Variants in RPS6KA5 observed in about 807,000 individuals in gnomAD.
The protein encoded by RPS6KA5 is ribosomal protein S6 kinase A5.
Under a neutral mutation model 85.5 loss-of-function variants are expected in RPS6KA5, and 27 were observed. The observed-to-expected ratio is 0.32, with a 90% CI of 0.23 to 0.44. RPS6KA5 has a LOEUF of 0.44. Among genes scored for constraint, RPS6KA5 ranks in the 20% least tolerant of loss-of-function variants. The pLI, the probability that RPS6KA5 is intolerant of heterozygous loss-of-function variation, is 1.00. For missense variants in RPS6KA5, 811 were observed against 980.9 expected, an observed-to-expected ratio of 0.83 and a Z score of 2.31; for synonymous variants, 334 against 348.2, an observed-to-expected ratio of 0.96 and a Z score of 0.46.
chr14:91,008,714 C>T (rs550731848), intron 1 of RPS6KA5, among the ~76,000 whole-genome samples: 1 of 152,146 alleles, frequency 6.6e-6, no homozygotes, highest in Non-Finnish European at 1.5e-5. Context: ...AAAAACATAA[C>T]ATAAAATAGG....
chr14:91,036,886 T>C (rs541786588), intron 1 of RPS6KA5, among the ~76,000 whole-genome samples: 7 of 152,134 alleles, frequency 4.6e-5, no homozygotes, highest in African/African-American at 7.2e-5. Context: ...TTCTGCTGGG[T>C]GGACAGTGGA....
At chr14:91,009,800 T>A (rs537695373) in intron 1 of RPS6KA5, among the ~76,000 whole-genome samples, 1 of 152,212 alleles carries the variant, frequency 6.6e-6, no homozygotes, top group East Asian at 1.9e-4. Flanking sequence ...AGAAAGGCAA[T>A]GGCTAAAGCT....
intron 3 of RPS6KA5, among the ~76,000 whole-genome samples, chr14:90,956,603 C>A (rs2140403776): frequency 6.6e-6 from 1 of 151,114 alleles, no homozygotes; most frequent in South Asian, 2.1e-4. Context: ...TTTCTTTATC[C>A]TTTTTTTGTT....
chr14:90,881,042 C>T (rs903652234), intron 14 of RPS6KA5, among the ~76,000 whole-genome samples: 1 of 151,884 alleles, frequency 6.6e-6, no homozygotes, highest in Admixed American at 6.6e-5. Context: ...ACTATGTTGT[C>T]CAGGCTAGTC....
At chr14:90,999,342 A>C (rs1457649265) in intron 2 of RPS6KA5, among the ~76,000 whole-genome samples, 1 of 152,242 alleles carries the variant, frequency 6.6e-6, no homozygotes, top group African/African-American at 2.4e-5. Flanking sequence ...AGGGATGGGC[A>C]GATACCCTTA....
intron 7 of RPS6KA5, among the ~76,000 whole-genome samples, chr14:90,909,799 T>C (rs1054062015): frequency 6.6e-6 from 1 of 152,146 alleles, no homozygotes; most frequent in South Asian, 2.1e-4. Context: ...ATTATTATTA[T>C]TATTATTTTT....
At chr14:90,955,462 C>G (rs1367490185) in intron 3 of RPS6KA5, among the ~76,000 whole-genome samples, 1 of 151,910 alleles carries the variant, frequency 6.6e-6, no homozygotes, top group Non-Finnish European at 1.5e-5. Context: ...ACTTTGTTGC[C>G]CAGGCTGTCA....
Position 90,873,890 on chromosome 14 carries a change from TA to T in RPS6KA5, c.1997-96del, listed in dbSNP as rs149971721. ...AAATCTCAGCTATGTTCACATGACA[TA>T]ATGGTTTCTATATAGCTTTAACCTC... On this transcript the variant is annotated intron_variant, in intron 15 of 16. Coordinates refer to ENST00000614987, the MANE Select transcript of RPS6KA5 (RefSeq NM_004755.4). 9.6e-4 allele frequency: 1,029 copies of T among 1,067,590 alleles called. 11 individuals are homozygous for T. The African/African-American group carries it at 0.014, about 14-fold the overall frequency. The allele number at this position is 1,067,590 out of a possible 1,614,324, so 66.1% of individuals were successfully genotyped here.
intron 2 of RPS6KA5, among the ~76,000 whole-genome samples, chr14:90,999,898 C>G (rs1208242796): frequency 6.6e-6 from 1 of 152,154 alleles, no homozygotes; most frequent in Non-Finnish European, 1.5e-5. Context: ...AGCAGAAAAC[C>G]AAGATCATGT....
intron 1 of RPS6KA5, among the ~76,000 whole-genome samples, chr14:91,008,848 T>G (rs1437327388): frequency 1.3e-5 from 2 of 152,136 alleles, no homozygotes; most frequent in Admixed American, 1.3e-4. Flanking sequence ...CTGGCAGTAA[T>G]GTACAATGTG....
In RPS6KA5 at chr14:90,863,049, A is replaced by C. The variant is rs547900903; in HGVS notation, c.*9025T>G. 1 of 152,204 alleles carries C rather than the reference A, an allele frequency of 6.6e-6. No individual in the cohort carries two copies. Among genetic ancestry groups the C allele is most frequent in the South Asian group, 2.1e-4 (1 of 4,826 alleles). The allele number at this position is 152,204 out of a possible 1,614,324, so 9.4% of individuals were successfully genotyped here. On this transcript the variant is annotated 3_prime_UTR_variant, in exon 17 of 17. Transcript: ENST00000614987. ...GCTGGGTGAGGTGGCTCATGCCTGT[A>C]ATCTCAGCACTTTGGGAGGCTGAGG... is the stretch of plus-strand genomic sequence containing the variant.
At chr14:90,879,898 C>T (rs2033725189) in intron 14 of RPS6KA5, among the ~76,000 whole-genome samples, 1 of 151,644 alleles carries the variant, frequency 6.6e-6, no homozygotes, top group Non-Finnish European at 1.5e-5. Context: ...ATTCTCCTGC[C>T]TCACTCTCTC....
At chr14:90,948,257 A>G (rs2037976669) in intron 3 of RPS6KA5, among the ~76,000 whole-genome samples, 1 of 152,234 alleles carries the variant, frequency 6.6e-6, no homozygotes, top group Non-Finnish European at 1.5e-5. Context: ...CTCTAATAAG[A>G]TATTTCTTCA....
Position 90,954,311 on chromosome 14 carries a change from T to A in RPS6KA5, c.395-6761A>T, listed in dbSNP as rs547678186. ...CTTTCTCCTCTATGTTTTGGAAGAG[T>A]TTGTGAAGAACTGGTAATTCTTCTT... On this transcript the variant is annotated intron_variant, in intron 3 of 16. Transcript: ENST00000614987. Among the ~76,000 whole-genome samples the A allele has an allele frequency of 3.9e-5, 6 of 152,316 alleles. No individual in the cohort carries two copies. The East Asian group carries it at 1.2e-3, about 29-fold the overall frequency.
At chr14:90,911,737 CTAGTA>C (rs1406301642) in intron 7 of RPS6KA5, among the ~76,000 whole-genome samples, 1 of 151,184 alleles carries the variant, frequency 6.6e-6, no homozygotes, top group Admixed American at 6.6e-5. Context: ...AATTATATTT[CTAGTA>C]TGAGTACAAC....
At chr14:90,888,381 T>A (rs1246554829) in intron 14 of RPS6KA5, among the ~76,000 whole-genome samples, 3 of 152,222 alleles carry the variant, frequency 2.0e-5, no homozygotes, top group Non-Finnish European at 4.4e-5. Flanking sequence ...AAAATGAAAG[T>A]CTCTTTTTTA....
At chr14:91,056,061 G>C (rs955154699) in intron 1 of RPS6KA5, among the ~76,000 whole-genome samples, 1 of 151,882 alleles carries the variant, frequency 6.6e-6, no homozygotes, top group African/African-American at 2.4e-5. Flanking sequence ...AATTCACTTA[G>C]GATTAAAAAA....
chr14:90,934,382 C>T (rs960559389), intron 5 of RPS6KA5, among the ~76,000 whole-genome samples: 1 of 151,978 alleles, frequency 6.6e-6, no homozygotes, highest in African/African-American at 2.4e-5. Context: ...ATTTATTATT[C>T]ACATTTATGA....
chr14:90,916,336 A>G (rs544419293), intron 7 of RPS6KA5, among the ~76,000 whole-genome samples: 2 of 152,302 alleles, frequency 1.3e-5, no homozygotes, highest in East Asian at 1.9e-4. Context: ...CTAAGTTCTT[A>G]GCATATTTTG....
Sources: allele counts gnomAD v4.1 joint callset (sites outside exome capture counted in the v4.1 genomes callset), GRCh38; gene constraint gnomAD v4.1.1; transcripts MANE v1.5; gene names NCBI Gene and HGNC (gene_info 2026-07-23, HGNC 2026-07-21).